The following EP400 variants were observed in gnomAD, a reference collection of about 807,000 sequenced individuals.
EP400 encodes E1A-binding protein p400.
In EP400, 105 loss-of-function variants were observed where a neutral mutation model predicts 354.1. The observed-to-expected ratio is 0.30, with a 90% CI of 0.25 to 0.35. The LOEUF (loss-of-function observed/expected upper bound fraction) is 0.35, where lower values mean the gene tolerates loss of function less well. EP400 is among the 10% of genes least tolerant of loss of function. The pLI is 1.00. For missense variants in EP400, 3,280 were observed against 4,121.0 expected, an observed-to-expected ratio of 0.80 and a Z score of 5.59; for synonymous variants, 1,646 against 1,716.9, an observed-to-expected ratio of 0.96 and a Z score of 1.02.
At chr12:131,987,637 TG>T (rs1026304769) in intron 6 of EP400, 67 bp from the exon 7 acceptor site, 2 of 1,410,942 alleles carry the variant, frequency 1.4e-6, no homozygotes, top group African/African-American at 2.9e-5. Context: ...TTCAAATTTC[TG>T]GGGTCTGAGT....
chr12:131,985,457 T>C (rs1370912932), intron 5 of EP400, among the ~76,000 whole-genome samples: 5 of 152,258 alleles, frequency 3.3e-5, no homozygotes, highest in Non-Finnish European at 2.9e-5. Flanking sequence ...GAGTGTGCTC[T>C]AGCGGTTCTG....
chr12:131,956,318 G>C (rs1037898015), intron 1 of EP400, among the ~76,000 whole-genome samples: 1 of 152,186 alleles, frequency 6.6e-6, no homozygotes, highest in East Asian at 1.9e-4. Context: ...ATACGTTTCA[G>C]TGGGTCCTTT....
Position 132,053,220 on chromosome 12 carries a change from A to G in EP400, c.7469A>G (p.Lys2490Arg). ...CGTGCAGAGCGAATCGCAAAAGAGA[A>G]AAAGGTCAGCGCCCTGGGCCCTTCT... The part of the protein sequence containing the change: ...SLRAERIAKE[K>R]KALADQQKAQ... The change falls in exon 42 of 53, where the codon AAA becomes AGA. Residue 2490 changes from lysine to arginine, a missense_variant. This residue lies in a region of EP400 where 29 missense variants were observed against 86.0 expected (regional missense o/e 0.34). Coordinates refer to ENST00000389561, the MANE Select transcript of EP400 (RefSeq NM_015409.5). 1 of 1,613,772 alleles carries G rather than the reference A, an allele frequency of 6.2e-7. No homozygotes were observed. Among genetic ancestry groups the G allele is most frequent in the Non-Finnish European group, 8.5e-7 (1 of 1,179,970 alleles).
chr12:132,059,931 G>T (rs1303110253), intron 45 of EP400, among the ~76,000 whole-genome samples: 1 of 152,042 alleles, frequency 6.6e-6, no homozygotes, highest in Non-Finnish European at 1.5e-5. Context: ...GCTGAGGCAG[G>T]AGAATTGCTT....
intron 39 of EP400, among the ~76,000 whole-genome samples, chr12:132,049,884 C>T (rs1443690102): frequency 6.6e-6 from 1 of 152,214 alleles, no homozygotes; most frequent in East Asian, 1.9e-4. Context: ...TACTTTGAGA[C>T]ACCACTGGGC....
rs376030344 is a variant in EP400 at position 131,961,110 on chromosome 12, G to A, written c.491G>A (p.Ser164Asn). 192 of 1,610,954 alleles carry A rather than the reference G, an allele frequency of 1.2e-4. 1 individual carries two copies. The East Asian group carries it at 2.9e-3, about 25-fold the overall frequency. The change falls in exon 2 of 53, where the codon AGC becomes AAC. Residue 164 changes from serine to asparagine, a missense_variant. By Grantham distance (46) the Ser-to-Asn change is conservative. Transcript: ENST00000389561. The stretch of plus-strand genomic sequence containing the variant: ...GGCCCTGGGCTGGGCCTCTGCAGCA[G>A]CAGCCCTACAGGGGGCTTCGTGGAT... ...APGPGLGLCS[S>N]SPTGGFVDAS...
At chr12:132,009,612 C>T (rs1014760326) in intron 15 of EP400, among the ~76,000 whole-genome samples, 4 of 152,158 alleles carry the variant, frequency 2.6e-5, no homozygotes, top group African/African-American at 7.2e-5. Flanking sequence ...CGGTCAGCCA[C>T]GATAGAGGCC....
chr12:132,062,066 G>T (rs570743186), intron 45 of EP400, 44 bp from the exon 46 acceptor site: 5 of 1,561,466 alleles, frequency 3.2e-6, no homozygotes, highest in Non-Finnish European at 4.4e-6. Context: ...AGCCCTGAGT[G>T]CTGTGTGAAA....
chr12:131,982,824 G>T (rs968827980), intron 5 of EP400, among the ~76,000 whole-genome samples: 12 of 152,026 alleles, frequency 7.9e-5, no homozygotes, highest in African/African-American at 2.7e-4. Flanking sequence ...ACAAAAATTA[G>T]CCAGGCGTGG....
chr12:132,031,228 C>T, intron 29 of EP400: 1 of 518,904 alleles, frequency 1.9e-6, no homozygotes, highest in Non-Finnish European at 3.8e-6. Flanking sequence ...TTCCTGCTTC[C>T]TCAGCCTTAC....
chr12:132,000,337 G>A (rs995451805), intron 12 of EP400, among the ~76,000 whole-genome samples: 3 of 152,140 alleles, frequency 2.0e-5, no homozygotes, highest in Non-Finnish European at 4.4e-5. Flanking sequence ...GACAGAAGAT[G>A]TATGGGATTC....
chr12:131,961,731 A>G lies in EP400; in HGVS notation c.1112A>G (p.Tyr371Cys), dbSNP rs1267343335. The G allele has an allele frequency of 5.6e-6, 9 of 1,614,246 alleles. No homozygotes were observed. Among genetic ancestry groups the G allele is most frequent in the South Asian group, 1.1e-5 (1 of 91,090 alleles). ...CAGATGAGGAAGCAGTGCCTGGACT[A>G]TCATTACCAGGAGATGCAGGCTCTG... ...MAQMRKQCLD[Y>C]HYQEMQALKE... is the part of the protein sequence containing the mutation. Residue 371 changes from tyrosine to cysteine, a missense_variant, in exon 2 of 53, where the codon TAT becomes TGT. By Grantham distance (194) the Tyr-to-Cys change is radical. Transcript: ENST00000389561.
chr12:131,961,921 G>C lies in EP400; in HGVS notation c.1302G>C (p.Glu434Asp), dbSNP rs1331844967. The change falls in exon 2 of 53, where the codon GAG becomes GAC. Residue 434 changes from glutamate (E) to aspartate (D), a missense_variant. By Grantham distance (45) the Glu-to-Asp change is conservative. Coordinates refer to ENST00000389561, the MANE Select transcript of EP400 (RefSeq NM_015409.5). ...DIEEEEEEEE[E>D]EEEKSEVIND... is the part of the protein sequence containing the mutation. ...AAGAAGAGGAGGAGGAGGAGGAAGA[G>C]GAGGAAGAAAAATCTGAGGTTATCA... The C allele has an allele frequency of 2.5e-6, 4 of 1,613,042 alleles. No homozygotes were observed. Among genetic ancestry groups the C allele is most frequent in the Non-Finnish European group, 3.4e-6 (4 of 1,179,522 alleles).
chr12:132,077,775 A>T lies in EP400; in HGVS notation c.*102A>T. ...GACCATGTCACGCAAGAGATTCAGC[A>T]CTGGGAAAGATATAATTGAAACAAA... On this transcript the variant is annotated 3_prime_UTR_variant, in exon 53 of 53. Coordinates refer to ENST00000389561, the MANE Select transcript of EP400 (RefSeq NM_015409.5). 1 of 1,326,836 alleles carries T rather than the reference A, an allele frequency of 7.5e-7. No individual in the cohort carries two copies. The highest frequency in any genetic ancestry group is 1.0e-6 in the Non-Finnish European group (1 of 993,520). The allele number at this position is 1,326,836 out of a possible 1,614,324, so 82.2% of individuals were successfully genotyped here.
intron 12 of EP400, among the ~76,000 whole-genome samples, chr12:132,003,446 T>C (rs906100186): frequency 6.6e-6 from 1 of 152,212 alleles, no homozygotes; most frequent in Non-Finnish European, 1.5e-5. Context: ...GAAAGGGGCC[T>C]TGGAACCACC....
In EP400 at chr12:132,073,595, A is replaced by G. The variant is rs550616038; in HGVS notation, c.9022-2921A>G. On this transcript the variant is annotated intron_variant, in intron 51 of 52. Transcript: ENST00000389561. Reference sequence around the variant, plus strand: ...CAGCCTCCTGAGTAGCTGGGATTACAGGCACATGCCACCAGGCCCAGCTAA... The same window carrying G: ...CAGCCTCCTGAGTAGCTGGGATTACGGGCACATGCCACCAGGCCCAGCTAA... Among the ~76,000 whole-genome samples, 3 of 151,966 alleles carry G rather than the reference A, an allele frequency of 2.0e-5. No individual in the cohort carries two copies. The East Asian group carries it at 5.8e-4, about 30-fold the overall frequency.
At chr12:132,020,436 C>G (rs556397417) in intron 22 of EP400, among the ~76,000 whole-genome samples, 97 of 152,290 alleles carry the variant, frequency 6.4e-4, no homozygotes, top group Admixed American at 2.2e-3. Flanking sequence ...AAGCTTCACT[C>G]CTAGGTGATA....
At chr12:132,006,596 G>A (rs1893589833) in intron 14 of EP400, 104 bp from the exon 15 acceptor site, 1 of 1,184,076 alleles carries the variant, frequency 8.4e-7, no homozygotes, top group Non-Finnish European at 1.2e-6. Flanking sequence ...CATTTTTGTG[G>A]CTTTCTAATT....
chr12:132,013,087 C>T lies in EP400; in HGVS notation c.3520C>T (p.Arg1174Ter), dbSNP rs1372461877. ...QFFRGLTAFT[R>*]VRWKCLVIDE... is the part of the protein sequence containing the mutation. ...CTTCCGGGGCCTCACCGCCTTCACA[C>T]GAGTGCGCTGGAAGTGCCTGGTCAT... The change falls in exon 17 of 53, where the codon CGA becomes TGA. Residue 1174 changes from arginine to a stop codon, truncating the protein, a stop_gained. Coordinates refer to ENST00000389561, the MANE Select transcript of EP400 (RefSeq NM_015409.5). LOFTEE classifies it high-confidence loss of function. The surrounding 1 kb of genome is among the most constrained non-coding windows in gnomAD (Gnocchi z 4.5). 4 of 1,614,080 alleles carry T rather than the reference C, an allele frequency of 2.5e-6. No individual in the cohort carries two copies. The highest frequency in any genetic ancestry group is 2.2e-5 in the South Asian group (2 of 91,040).
Sources: gnomAD v4.1 joint callset for allele counts (sites outside exome capture counted in the v4.1 genomes callset) on GRCh38, gnomAD v4.1.1 for gene constraint, gnomAD v4.1.1 regional missense constraint, Gnocchi (gnomAD v3.1) non-coding constraint, MANE v1.5 for transcripts, NCBI Gene and HGNC (gene_info 2026-07-23, HGNC 2026-07-21) for gene names.